TBC1D5: variants seen among roughly 807,000 people sequenced by gnomAD.
The protein encoded by TBC1D5 is TBC1 domain family, member 5.
TBC1D5 carries 75 observed loss-of-function variants against 100.3 expected under a neutral mutation model. The ratio of observed to expected loss-of-function variants is 0.75; its 90% CI spans 0.62 to 0.91. The LOEUF (loss-of-function observed/expected upper bound fraction) is 0.91. TBC1D5 is among the 40% of genes least tolerant of loss of function. TBC1D5 has a pLI of 0.00. For synonymous variants in TBC1D5, 323 were observed against 325.6 expected, an observed-to-expected ratio of 0.99 and a Z score of 0.09; for missense variants, 910 against 942.4, an observed-to-expected ratio of 0.97 and a Z score of 0.45.
At chr3:17,513,908 G>A (rs531452850) in intron 2 of TBC1D5, among the ~76,000 whole-genome samples, 4 of 152,066 alleles carry the variant, frequency 2.6e-5, no homozygotes, top group Admixed American at 6.5e-5. Flanking sequence ...AAGAGATAGC[G>A]CAATTGAATA....
intron 13 of TBC1D5, among the ~76,000 whole-genome samples, chr3:17,332,915 C>T (rs1404316964): frequency 2.0e-5 from 3 of 152,118 alleles, no homozygotes; most frequent in Non-Finnish European, 2.9e-5. Context: ...TGTCCCTCTA[C>T]TCTTCTTGTA....
chr3:17,383,442 C>T (rs2093029646), intron 9 of TBC1D5, among the ~76,000 whole-genome samples: 1 of 151,800 alleles, frequency 6.6e-6, no homozygotes, highest in Admixed American at 6.6e-5. Flanking sequence ...AGTCAAATAA[C>T]AGGATCACAA....
upstream of TBC1D5, among the ~76,000 whole-genome samples, chr3:17,741,800 ATTTTTTTTT>A (rs779385615): frequency 4.2e-5 from 2 of 47,956 alleles, no homozygotes; most frequent in Admixed American, 2.8e-4. Context: ...CTCCCTGCGA[ATTTTTTTTT>A]TTTTTTTTTT....
At chr3:17,705,733 G>C (rs1216319693) in intron 1 of TBC1D5, among the ~76,000 whole-genome samples, 9 of 137,740 alleles carry the variant, frequency 6.5e-5, no homozygotes, top group African/African-American at 1.1e-4. Flanking sequence ...ATGGGATGGC[G>C]GCCGGGCGGA....
chr3:17,579,005 G>C (rs2096674912), intron 2 of TBC1D5, among the ~76,000 whole-genome samples: 1 of 151,950 alleles, frequency 6.6e-6, no homozygotes, highest in South Asian at 2.1e-4. Context: ...CTGTTTACTA[G>C]TATACTGAAT....
chr3:17,413,902 A>G (rs1335353659), intron 4 of TBC1D5, among the ~76,000 whole-genome samples: 1 of 152,198 alleles, frequency 6.6e-6, no homozygotes, highest in Non-Finnish European at 1.5e-5. Flanking sequence ...AAGATCTCTA[A>G]TCATTGGTTA....
At chr3:17,551,211 T>G (rs925111846) in intron 2 of TBC1D5, among the ~76,000 whole-genome samples, 5 of 152,114 alleles carry the variant, frequency 3.3e-5, no homozygotes, top group African/African-American at 1.2e-4. Flanking sequence ...CATACAGCAA[T>G]ACAAAACAGA....
intron 1 of TBC1D5, among the ~76,000 whole-genome samples, chr3:17,722,763 G>A (rs767339925): frequency 2.0e-5 from 3 of 152,186 alleles, no homozygotes; most frequent in Non-Finnish European, 2.9e-5. Context: ...TTACTAAGTG[G>A]TGGAGCCAGA....
chr3:17,239,187 A>C (rs2076112219), intron 16 of TBC1D5, among the ~76,000 whole-genome samples: 1 of 152,164 alleles, frequency 6.6e-6, no homozygotes, highest in African/African-American at 2.4e-5. Context: ...TGTCTGGTAC[A>C]TCATAGGTAC....
chr3:17,288,975 C>T (rs1575146301), intron 15 of TBC1D5, among the ~76,000 whole-genome samples: 1 of 152,340 alleles, frequency 6.6e-6, no homozygotes, highest in East Asian at 1.9e-4. Flanking sequence ...ACGCTGCAGT[C>T]CACTGGGTTG....
intron 13 of TBC1D5, among the ~76,000 whole-genome samples, chr3:17,363,341 C>T (rs575519698): frequency 1.3e-5 from 2 of 152,136 alleles, no homozygotes; most frequent in South Asian, 2.1e-4. Context: ...TTCTGACTTA[C>T]CCTCCCTATT....
intron 15 of TBC1D5, among the ~76,000 whole-genome samples, chr3:17,261,639 C>T (rs144267984): frequency 6.6e-6 from 1 of 152,108 alleles, no homozygotes; most frequent in African/African-American, 2.4e-5. Context: ...CCTCCCACCT[C>T]AGCCTCCTGG....
chr3:17,241,185 A>G (rs1256429648), intron 16 of TBC1D5, among the ~76,000 whole-genome samples: 1 of 152,172 alleles, frequency 6.6e-6, no homozygotes, highest in Non-Finnish European at 1.5e-5. Context: ...TAGGCATAAC[A>G]GTTTTTATAC....
intron 13 of TBC1D5, among the ~76,000 whole-genome samples, chr3:17,356,785 C>A (rs539119501): frequency 6.6e-6 from 1 of 152,240 alleles, no homozygotes; most frequent in African/African-American, 2.4e-5. Context: ...TATGGAAACA[C>A]ACCCTGGGGT....
chr3:17,401,238 CATGTATGTGTATAATATACATATAT>C (rs869245820), intron 8 of TBC1D5, among the ~76,000 whole-genome samples: 1 of 145,842 alleles, frequency 6.9e-6, no homozygotes, highest in Admixed American at 6.9e-5. Flanking sequence ...CACACACACA[CATGTATGTGTATAATATACATATAT>C]ATGTATGTGT....
intron 15 of TBC1D5, among the ~76,000 whole-genome samples, chr3:17,273,576 A>G (rs1188397676): frequency 6.6e-6 from 1 of 151,996 alleles, no homozygotes; most frequent in Non-Finnish European, 1.5e-5. Context: ...GGAGGCCAAG[A>G]TGAGTGGATC....
intron 3 of TBC1D5, among the ~76,000 whole-genome samples, chr3:17,508,053 T>TA (rs202095614): frequency 1.9e-3 from 287 of 148,050 alleles, no homozygotes; most frequent in Non-Finnish European, 2.9e-3. Flanking sequence ...TCAATTACTT[T>TA]AAAAAAAAAA....
intron 14 of TBC1D5, 57 bp downstream of exon 14, chr3:17,307,935 A>G (rs1197047614): frequency 6.4e-7 from 1 of 1,568,494 alleles, no homozygotes; most frequent in African/African-American, 1.4e-5. Context: ...AAAAGGCAAA[A>G]CATTTTTGAA....
intron 16 of TBC1D5, among the ~76,000 whole-genome samples, chr3:17,255,973 T>G (rs1043298081): frequency 6.6e-6 from 1 of 152,158 alleles, no homozygotes; most frequent in African/African-American, 2.4e-5. Flanking sequence ...GAGGCGGAGC[T>G]TGCAGTAAGC....
Sources: gnomAD v4.1 joint callset for allele counts (sites outside exome capture counted in the v4.1 genomes callset) on GRCh38, gnomAD v4.1.1 for gene constraint, MANE v1.5 for transcripts, NCBI Gene and HGNC (gene_info 2026-07-23, HGNC 2026-07-21) for gene names.